PRKCH: variants seen among roughly 807,000 people sequenced by gnomAD.
The protein encoded by PRKCH is protein kinase C eta.
A neutral mutation model predicts 82.5 loss-of-function variants in PRKCH; 28 were observed. The ratio of observed to expected loss-of-function variants is 0.34; its 90% CI spans 0.25 to 0.47. The LOEUF (loss-of-function observed/expected upper bound fraction) is 0.47, where lower values mean the gene tolerates loss of function less well. PRKCH is among the 20% of genes least tolerant of loss of function. PRKCH has a pLI of 1.00. For missense variants in PRKCH, 705 were observed against 881.8 expected (o/e 0.80, Z 2.54); for synonymous variants, 322 against 327.4 (o/e 0.98, Z 0.18).
chr14:61,499,436 T>C (rs560793135), intron 10 of PRKCH, among the ~76,000 whole-genome samples: 4 of 151,840 alleles, frequency 2.6e-5, no homozygotes, highest in Admixed American at 2.6e-4. Context: ...GTCCTGGGGG[T>C]GTCTGGTTTG....
chr14:61,485,864 C>G (rs1461518532), intron 10 of PRKCH, among the ~76,000 whole-genome samples: 1 of 152,186 alleles, frequency 6.6e-6, no homozygotes, highest in Non-Finnish European at 1.5e-5. Context: ...TCACTGCAGC[C>G]GGTCCATCTG....
intron 2 of PRKCH, among the ~76,000 whole-genome samples, chr14:61,430,857 C>T (rs1443787292): frequency 4.0e-5 from 6 of 151,814 alleles, no homozygotes; most frequent in South Asian, 2.1e-4. Flanking sequence ...CGGGTTCAAG[C>T]GATTCTCCTG....
intron 10 of PRKCH, among the ~76,000 whole-genome samples, chr14:61,506,354 G>A (rs1355785786): frequency 6.6e-6 from 1 of 152,126 alleles, no homozygotes; most frequent in Non-Finnish European, 1.5e-5. Context: ...GGTGCACCAA[G>A]CAGGCCTCAC....
At chr14:61,460,644 A>G (rs1884987376) in intron 9 of PRKCH, among the ~76,000 whole-genome samples, 1 of 152,220 alleles carries the variant, frequency 6.6e-6, no homozygotes, top group Admixed American at 6.5e-5. Context: ...TAAGTGGCAG[A>G]GAGCGTTTGA....
intron 1 of PRKCH, among the ~76,000 whole-genome samples, chr14:61,356,361 G>A (rs1373289834): frequency 6.6e-6 from 1 of 152,176 alleles, no homozygotes; most frequent in African/African-American, 2.4e-5. Flanking sequence ...GATGGTTTGT[G>A]ATCTGATATT....
rs774623846 is a variant in PRKCH at position 61,280,917 on chromosome 14, C to A, written c.-19+93249C>A. The A allele has an allele frequency of 1.9e-6, 3 of 1,544,628 alleles. No individual in the cohort carries two copies. The highest frequency in any genetic ancestry group is 2.6e-6 in the Non-Finnish European group (3 of 1,149,754). ...GGCCCTGGCCAGCCGCGGCGCACAC[C>A]GAGCAGTTACCGGTGCCCGGGTCGC... is the stretch of plus-strand genomic sequence containing the variant. On this transcript the variant is annotated intron_variant, in intron 1 of 3. Coordinates refer to the PRKCH transcript ENST00000555185. The surrounding 1 kb of genome is among the most constrained non-coding windows in gnomAD (Gnocchi z 5.0).
At chr14:61,202,724 A>G (rs927680975) in intron 1 of PRKCH, among the ~76,000 whole-genome samples, 1 of 152,174 alleles carries the variant, frequency 6.6e-6, no homozygotes, top group African/African-American at 2.4e-5. Flanking sequence ...TATTCTTTGA[A>G]AAGTTTTAGG....
chr14:61,428,112 C>CATATATATATATATATATATATAT (rs112740584), intron 2 of PRKCH, among the ~76,000 whole-genome samples: 97 of 145,540 alleles, frequency 6.7e-4, no homozygotes, highest in African/African-American at 2.5e-3. Flanking sequence ...TATATACACA[C>CATATATATATATATATATATATAT]ATATATATAT....
chr14:61,457,193 G>A lies in PRKCH; in HGVS notation c.978G>A (p.Ser326=). The stretch of plus-strand genomic sequence containing the variant: ...TCTTTCAGAAACTCGTTTCCAGATC[G>A]ACCCTAAGACGACAGGGAAAGGAGA... ...ISPTSKLVSR[S]TLRRQGKESS... The change falls in exon 8 of 14, where the codon TCG becomes TCA. Residue 326 remains serine (S), a synonymous_variant. Transcript: ENST00000332981. The A allele has an allele frequency of 6.2e-7, 1 of 1,613,930 alleles. No individual in the cohort carries two copies. The highest frequency in any genetic ancestry group is 8.5e-7 in the Non-Finnish European group (1 of 1,179,956).
At chr14:61,232,837 G>T (rs935725632) in intron 1 of PRKCH, among the ~76,000 whole-genome samples, 1 of 152,122 alleles carries the variant, frequency 6.6e-6, no homozygotes, top group Admixed American at 6.5e-5. Context: ...TCAGGCCTTG[G>T]TGTTCATGTG....
intron 1 of PRKCH, among the ~76,000 whole-genome samples, chr14:61,374,628 C>G (rs952528420): frequency 6.6e-6 from 1 of 152,092 alleles, no homozygotes; most frequent in Non-Finnish European, 1.5e-5. Context: ...CTTGCACCCT[C>G]TGAAGCCACA....
intron 1 of PRKCH, among the ~76,000 whole-genome samples, chr14:61,330,013 T>G (rs910305090): frequency 2.0e-5 from 3 of 152,236 alleles, no homozygotes; most frequent in East Asian, 1.9e-4. Flanking sequence ...CCAATGAGCA[T>G]GTACTAAGTA....
At chr14:61,372,369 C>G (rs1485792870) in intron 1 of PRKCH, among the ~76,000 whole-genome samples, 1 of 152,122 alleles carries the variant, frequency 6.6e-6, no homozygotes, top group Non-Finnish European at 1.5e-5. Flanking sequence ...ATGTATCCAT[C>G]TGTATCTATA....
intron 1 of PRKCH, among the ~76,000 whole-genome samples, chr14:61,324,454 T>G (rs2140119818): frequency 6.6e-6 from 1 of 152,256 alleles, no homozygotes; most frequent in South Asian, 2.1e-4. Flanking sequence ...CAGATTTTTT[T>G]TTTGTTGTTT....
chr14:61,252,958 A>G (rs919668061), intron 1 of PRKCH, among the ~76,000 whole-genome samples: 3 of 152,182 alleles, frequency 2.0e-5, no homozygotes, highest in Non-Finnish European at 4.4e-5. Flanking sequence ...TATGGTGGGC[A>G]AGAGAGACCT....
chr14:61,337,770 A>G (rs149658271), intron 1 of PRKCH, among the ~76,000 whole-genome samples: 1 of 152,250 alleles, frequency 6.6e-6, no homozygotes, highest in African/African-American at 2.4e-5. Flanking sequence ...TTATTTGTTT[A>G]CTGGACACTT....
At chr14:61,493,727 G>A (rs1179019375) in intron 10 of PRKCH, among the ~76,000 whole-genome samples, 1 of 151,978 alleles carries the variant, frequency 6.6e-6, no homozygotes, top group Non-Finnish European at 1.5e-5. Context: ...CGGGTGGGGG[G>A]CATGGCATGT....
At chr14:61,314,912 C>T (rs2140111770) in intron 1 of PRKCH, among the ~76,000 whole-genome samples, 1 of 152,290 alleles carries the variant, frequency 6.6e-6, no homozygotes, top group Admixed American at 6.5e-5. Context: ...TTTCTTCCTC[C>T]AAGTCATTGA....
At position 61,342,201 on chromosome 14, in the gene PRKCH, G is replaced by A. The variant is rs1030905392; in HGVS notation, c.363+19737G>A. ...AAACTCATTTGGAGGGGAAGGGAGC[G>A]CCCTTTTAAAGCCTCAACTACTAAT... On this transcript the variant is annotated intron_variant, in intron 1 of 13. Transcript: ENST00000332981. 5.9e-5 allele frequency among the ~76,000 whole-genome samples: 9 copies of A among 151,832 alleles called. No individual in the cohort carries two copies. In the South Asian group the frequency reaches 1.0e-3, roughly 18 times the overall value.
Sources: gnomAD v4.1 joint callset for allele counts (sites outside exome capture counted in the v4.1 genomes callset) on GRCh38, gnomAD v4.1.1 for gene constraint, Gnocchi (gnomAD v3.1) non-coding constraint, MANE v1.5 for transcripts, NCBI Gene and HGNC (gene_info 2026-07-23, HGNC 2026-07-21) for gene names.